The following SUCNR1 variants were observed in gnomAD, a reference collection of about 807,000 sequenced individuals.
SUCNR1 encodes succinate receptor 1.
In SUCNR1, 5 loss-of-function variants were observed where a neutral mutation model predicts 2.4. That is an observed-to-expected ratio of 2.07 (90% CI 1.08 to 4.36). SUCNR1 has a LOEUF of 4.36. Ranked by LOEUF, SUCNR1 falls within the 30% of genes most tolerant of loss-of-function variation. The pLI is 0.00. For synonymous variants in SUCNR1, 162 were observed against 143.9 expected (o/e 1.13, Z -0.90); for missense variants, 373 against 399.2 (o/e 0.93, Z 0.56).
rs1428388282 is a variant in SUCNR1 at position 151,882,479 on chromosome 3, A to G, written c.*931A>G. ...ATATTAATATCATAAACCAGCAAAT[A>G]AGGAGAAATAAACTGATAATACTAG... On this transcript the variant is annotated 3_prime_UTR_variant, in exon 3 of 3. Coordinates refer to ENST00000362032, the MANE Select transcript of SUCNR1 (RefSeq NM_033050.6). The G allele has an allele frequency of 3.9e-5, 6 of 152,166 alleles. No homozygotes were observed. Among genetic ancestry groups the G allele is most frequent in the African/African-American group, 1.4e-4 (6 of 41,448 alleles). 9.4% of individuals were successfully genotyped at this position (152,166 alleles called of 1,614,324 possible).
chr3:151,880,416 A>T, intron 2 of SUCNR1, 143 bp from the exon 3 acceptor site: 1 of 621,090 alleles, frequency 1.6e-6, no homozygotes, highest in East Asian at 2.8e-5. Context: ...ACATATATAT[A>T]TGTGTGTATG....
rs915963264 is a variant in SUCNR1 at position 151,881,368 on chromosome 3, CT to C, written c.829del (p.Tyr277ThrfsTer3). Reference protein sequence around the residue: ...YQCTQVVINSFYIVTRPLAFL... With the variant: ...YQCTQVVINSXYIVTRPLAFL... ...AGTGCACTCAGGTCGTCATCAACTCCTTTTACATTGTGACACGGCCTTTGGC... is the reference window on the plus strand; with the variant it reads ...AGTGCACTCAGGTCGTCATCAACTCCTTTACATTGTGACACGGCCTTTGGC... On this transcript the variant is annotated frameshift_variant, in exon 3 of 3. Coordinates refer to ENST00000362032, the MANE Select transcript of SUCNR1 (RefSeq NM_033050.6). LOFTEE classifies it low-confidence loss of function (END_TRUNC). 3.1e-6 allele frequency: 5 copies of C among 1,614,084 alleles called. No homozygotes were observed. In the African/African-American group the frequency reaches 4.0e-5, roughly 13 times the overall value.
At chr3:151,875,199 C>CT (rs1164304530) in intron 1 of SUCNR1, among the ~76,000 whole-genome samples, 1 of 151,982 alleles carries the variant, frequency 6.6e-6, no homozygotes, top group Non-Finnish European at 1.5e-5. Flanking sequence ...TCATCCAAAT[C>CT]AGTTACAATT....
At position 151,881,656 on chromosome 3, in the gene SUCNR1, A is replaced by C; in HGVS notation, c.*108A>C. The C allele has an allele frequency of 9.8e-7, 1 of 1,024,024 alleles. No individual in the cohort carries two copies. Among genetic ancestry groups the C allele is most frequent in the Non-Finnish European group, 1.4e-6 (1 of 706,100 alleles). The allele number at this position is 1,024,024 out of a possible 1,614,324, so 63.4% of individuals were successfully genotyped here. ...GTGTCACAGATTTAACCTTGATCTA[A>C]AGACAAGTTGTACCCAGAGTATGTG... On this transcript the variant is annotated 3_prime_UTR_variant, in exon 3 of 3. Coordinates refer to ENST00000362032, the MANE Select transcript of SUCNR1 (RefSeq NM_033050.6).
In SUCNR1 at chr3:151,882,529, TGGA is replaced by T. The variant is rs1559858755; in HGVS notation, c.*984_*986del. 1 of 152,168 alleles carries T rather than the reference TGGA, an allele frequency of 6.6e-6. No individual in the cohort carries two copies. The highest frequency in any genetic ancestry group is 2.4e-5 in the African/African-American group (1 of 41,452). The allele number at this position is 152,168 out of a possible 1,614,324, so 9.4% of individuals were successfully genotyped here. On this transcript the variant is annotated 3_prime_UTR_variant, in exon 3 of 3. Coordinates refer to ENST00000362032, the MANE Select transcript of SUCNR1 (RefSeq NM_033050.6). ...GATTCATTGGGATAGTTTTCCCTTT[TGGA>T]GGGAAAGTCACAATTTTTCTCCATG...
chr3:151,884,564 T>C lies in SUCNR1; in HGVS notation c.*3016T>C, dbSNP rs1718196055. 1 of 152,258 alleles carries C rather than the reference T, an allele frequency of 6.6e-6. No homozygotes were observed. The highest frequency in any genetic ancestry group is 2.1e-4 in the South Asian group (1 of 4,830). 9.4% of individuals were successfully genotyped at this position (152,258 alleles called of 1,614,324 possible). The stretch of plus-strand genomic sequence containing the variant: ...TCCATCAAAGAGTATTGATATTTTG[T>C]ATATACATTTACAAATGTACATGTA... On this transcript the variant is annotated 3_prime_UTR_variant, in exon 3 of 3. Coordinates refer to ENST00000362032, the MANE Select transcript of SUCNR1 (RefSeq NM_033050.6).
intron 1 of SUCNR1, among the ~76,000 whole-genome samples, chr3:151,879,485 T>C (rs1295418357): frequency 2.6e-5 from 4 of 152,146 alleles, no homozygotes; most frequent in Non-Finnish European, 5.9e-5. Context: ...TTGCCCCTTC[T>C]GAAATTGTTG....
rs1718102664 is a variant in SUCNR1, at chr3:151,881,626, A to G, written c.*78A>G. On this transcript the variant is annotated 3_prime_UTR_variant, in exon 3 of 3. Transcript: ENST00000362032. ...TTGCCTTAACTCATAGACATCAATC[A>G]GAGAGTGTCACAGATTTAACCTTGA... 1.5e-6 allele frequency: 2 copies of G among 1,295,162 alleles called. No individual in the cohort carries two copies. The highest frequency in any genetic ancestry group is 1.5e-5 in the African/African-American group (1 of 67,136). The allele number at this position is 1,295,162 out of a possible 1,614,324, so 80.2% of individuals were successfully genotyped here.
In SUCNR1 at chr3:151,881,569, T is replaced by C. The variant is rs749847898; in HGVS notation, c.*21T>C. On this transcript the variant is annotated 3_prime_UTR_variant, in exon 3 of 3. Coordinates refer to ENST00000362032, the MANE Select transcript of SUCNR1 (RefSeq NM_033050.6). ...AGTGAGGGGCTTGTGAAACAGATTG[T>C]TCTACAGATGAATCTGTAAGCCAGT... 8 of 1,558,724 alleles carry C rather than the reference T, an allele frequency of 5.1e-6. No individual in the cohort carries two copies. The highest frequency in any genetic ancestry group is 2.2e-5 in the East Asian group (1 of 44,712).
intron 1 of SUCNR1, among the ~76,000 whole-genome samples, chr3:151,878,257 T>A (rs1206549360): frequency 6.6e-6 from 1 of 151,880 alleles, no homozygotes; most frequent in Non-Finnish European, 1.5e-5. Context: ...CTAGGGAGAG[T>A]TGTTTATGTT....
In SUCNR1 at chr3:151,873,714, A is replaced by C. The variant is rs1486386591; in HGVS notation, c.-42+8A>C. 5 of 152,642 alleles carry C rather than the reference A, an allele frequency of 3.3e-5. No homozygotes were observed. The highest frequency in any genetic ancestry group is 7.3e-5 in the Non-Finnish European group (5 of 68,032). 9.5% of individuals were successfully genotyped at this position (152,642 alleles called of 1,614,324 possible). On this transcript the variant is annotated splice_region_variant and intron_variant, in intron 1 of 2. Coordinates refer to ENST00000362032, the MANE Select transcript of SUCNR1 (RefSeq NM_033050.6). Reference sequence around the variant, plus strand: ...AAGTCTTCCAACAGAATGGTAAGCTACATGGCAAATTGTGCCTCTCAGTGT... The same window carrying C: ...AAGTCTTCCAACAGAATGGTAAGCTCCATGGCAAATTGTGCCTCTCAGTGT...
chr3:151,875,132 G>C (rs1717886038), intron 1 of SUCNR1, among the ~76,000 whole-genome samples: 1 of 151,764 alleles, frequency 6.6e-6, no homozygotes, highest in South Asian at 2.1e-4. Context: ...TTTTTGGACT[G>C]GAAACTAAAG....
chr3:151,881,455 C>T lies in SUCNR1; in HGVS notation c.912C>T (p.Asp304=). 4 of 1,614,040 alleles carry T rather than the reference C, an allele frequency of 2.5e-6. No individual in the cohort carries two copies. Among genetic ancestry groups the T allele is most frequent in the Non-Finnish European group, 3.4e-6 (4 of 1,179,918 alleles). ...FYFLLGDHFR[D]MLMNQLRHNF... is the part of the protein sequence containing the mutation. Reference sequence around the variant, plus strand: ...TTCTTTTGGGAGATCACTTCAGGGACATGCTGATGAATCAACTGAGACACA... The same window carrying T: ...TTCTTTTGGGAGATCACTTCAGGGATATGCTGATGAATCAACTGAGACACA... Residue 304 remains aspartate, a synonymous_variant, in exon 3 of 3, where the codon GAC becomes GAT. Coordinates refer to ENST00000362032, the MANE Select transcript of SUCNR1 (RefSeq NM_033050.6).
chr3:151,876,861 T>G (rs868859788), intron 1 of SUCNR1, among the ~76,000 whole-genome samples: 1 of 152,140 alleles, frequency 6.6e-6, no homozygotes, highest in Middle Eastern at 3.2e-3. Flanking sequence ...GTGTTCATAT[T>G]CATCTCTTCA....
chr3:151,874,793 A>G (rs1305987206), intron 1 of SUCNR1, among the ~76,000 whole-genome samples: 3 of 152,090 alleles, frequency 2.0e-5, no homozygotes, highest in African/African-American at 7.2e-5. Context: ...GTGTGAATAT[A>G]TATTTTTGCT....
At chr3:151,877,783 C>T (rs1311107763) in intron 1 of SUCNR1, among the ~76,000 whole-genome samples, 3 of 151,976 alleles carry the variant, frequency 2.0e-5, no homozygotes, top group African/African-American at 7.3e-5. Flanking sequence ...GTTTGTAAGG[C>T]AGATACAAGC....
In SUCNR1 at chr3:151,874,146, ATTTTTTT is replaced by A. The variant is rs56678758; in HGVS notation, c.-42+458_-42+464del. Among the ~76,000 whole-genome samples the A allele has an allele frequency of 2.7e-3, 161 of 60,202 alleles. 1 individual carries two copies. Among genetic ancestry groups the A allele is most frequent in the African/African-American group, 8.5e-3 (119 of 14,028 alleles). The allele number at this position is 60,202 out of a possible 152,430, so 39.5% of individuals were successfully genotyped here. A position where few individuals can be genotyped will look rare whatever the true frequency, so the allele number is the denominator to read the frequency against. On this transcript the variant is annotated intron_variant, in intron 1 of 2. Transcript: ENST00000362032. ...CATACATATATATATATATATATAT[ATTTTTTT>A]TTTTTTTTTTTTTTTTTAAGACAGA...
intron 1 of SUCNR1, among the ~76,000 whole-genome samples, chr3:151,874,470 G>C (rs1028561124): frequency 6.6e-6 from 1 of 151,962 alleles, no homozygotes; most frequent in African/African-American, 2.4e-5. Flanking sequence ...GAGCCACTGT[G>C]CTGGGGCATA....
rs1049896858 is a variant in SUCNR1, at chr3:151,881,767, C to T, written c.*219C>T. 2.0e-6 allele frequency: 1 copy of T among 490,672 alleles called. No homozygotes were observed. Among genetic ancestry groups the T allele is most frequent in the African/African-American group, 1.9e-5 (1 of 51,652 alleles). The allele number at this position is 490,672 out of a possible 1,614,324, so 30.4% of individuals were successfully genotyped here. On this transcript the variant is annotated 3_prime_UTR_variant, in exon 3 of 3. Transcript: ENST00000362032. ...CTGCCTTATGTTTGGGCATGTAACT[C>T]CAAAATACTAGGTAGTATAAGGCTT...
Sources: gnomAD v4.1 joint callset for allele counts (sites outside exome capture counted in the v4.1 genomes callset) on GRCh38, gnomAD v4.1.1 for gene constraint, MANE v1.5 for transcripts, NCBI Gene and HGNC (gene_info 2026-07-23, HGNC 2026-07-21) for gene names.